Variants in MGAT4C observed in about 807,000 individuals in gnomAD.
The protein encoded by MGAT4C is alpha-1,3-mannosyl-glycoprotein 4-beta-N-acetylglucosaminyltransferase C.
Under a neutral mutation model 40.1 loss-of-function variants are expected in MGAT4C, and 19 were observed. That is an observed-to-expected ratio of 0.47 (90% CI 0.33 to 0.70). MGAT4C has a LOEUF of 0.70. Among genes scored for constraint, MGAT4C ranks in the 30% least tolerant of loss-of-function variants. The pLI is 0.02. For missense variants in MGAT4C, 491 were observed against 563.2 expected (o/e 0.87, Z 1.30); for synonymous variants, 181 against 187.1 (o/e 0.97, Z 0.27).
chr12:86,194,480 G>A (rs542214031), intron 1 of MGAT4C, among the ~76,000 whole-genome samples: 2 of 150,452 alleles, frequency 1.3e-5, no homozygotes, highest in South Asian at 2.1e-4. Flanking sequence ...TTGAGACAGA[G>A]TTTCACTCTT....
intron 1 of MGAT4C, among the ~76,000 whole-genome samples, chr12:86,158,756 C>A (rs1476470081): frequency 6.6e-6 from 1 of 152,058 alleles, no homozygotes; most frequent in Middle Eastern, 3.2e-3. Flanking sequence ...ATTATACCTC[C>A]TTGGTTAGCT....
chr12:86,355,505 C>T (rs930974676), intron 3 of MGAT4C, among the ~76,000 whole-genome samples: 8 of 152,050 alleles, frequency 5.3e-5, no homozygotes, highest in Non-Finnish European at 7.4e-5. Flanking sequence ...TGTTCAGATG[C>T]ACCATAATCA....
chr12:86,447,546 GT>G lies in MGAT4C; in HGVS notation c.-228-12282del, dbSNP rs528848245. 9.3e-5 allele frequency among the ~76,000 whole-genome samples: 14 copies of G among 151,164 alleles called. 1 individual carries two copies. Among genetic ancestry groups the G allele is most frequent in the South Asian group, 4.2e-4 (2 of 4,774 alleles). The stretch of plus-strand genomic sequence containing the variant: ...AAATCTTTACCCTTCATGAGTACCA[GT>G]TTTTTTTTAACTTTTTTTTACTCTC... On this transcript the variant is annotated intron_variant, in intron 2 of 7. Transcript: ENST00000548651.
chr12:86,511,610 C>A (rs1958587861), intron 2 of MGAT4C, among the ~76,000 whole-genome samples: 1 of 152,014 alleles, frequency 6.6e-6, no homozygotes, highest in Admixed American at 6.6e-5. Flanking sequence ...AATATACAGT[C>A]AACTGATCTT....
chr12:86,452,358 C>T (rs1351571013), intron 2 of MGAT4C, among the ~76,000 whole-genome samples: 1 of 150,964 alleles, frequency 6.6e-6, no homozygotes, highest in African/African-American at 2.5e-5. Context: ...CCACCCTCCC[C>T]CACCCCACAA....
intron 3 of MGAT4C, among the ~76,000 whole-genome samples, chr12:86,429,959 C>T (rs1435159807): frequency 3.3e-5 from 5 of 152,006 alleles, no homozygotes; most frequent in Non-Finnish European, 7.4e-5. Flanking sequence ...AAGCTTTATT[C>T]CTTTATCTTT....
intron 1 of MGAT4C, among the ~76,000 whole-genome samples, chr12:86,107,415 G>T (rs1344492158): frequency 1.3e-5 from 2 of 151,918 alleles, no homozygotes; most frequent in African/African-American, 4.8e-5. Context: ...ATGTAATCCT[G>T]ACATATACTT....
chr12:86,600,585 CA>C (rs1961730621), intron 2 of MGAT4C, among the ~76,000 whole-genome samples: 1 of 152,184 alleles, frequency 6.6e-6, no homozygotes, highest in African/African-American at 2.4e-5. Context: ...TCTTAGCCAG[CA>C]CAAAGTATGG....
intron 2 of MGAT4C, among the ~76,000 whole-genome samples, chr12:86,572,201 G>A (rs1020338577): frequency 1.3e-5 from 2 of 152,032 alleles, no homozygotes; most frequent in African/African-American, 4.8e-5. Flanking sequence ...AACTAAAAAT[G>A]GGAATACATT....
intron 2 of MGAT4C, among the ~76,000 whole-genome samples, chr12:86,505,363 A>C (rs902703558): frequency 6.6e-6 from 1 of 152,218 alleles, no homozygotes; most frequent in African/African-American, 2.4e-5. Flanking sequence ...GCACATGATC[A>C]AGAAAATTCC....
chr12:86,510,849 G>C (rs2136347625), intron 2 of MGAT4C, among the ~76,000 whole-genome samples: 1 of 152,020 alleles, frequency 6.6e-6, no homozygotes, highest in African/African-American at 2.4e-5. Context: ...AGCAAGTCCT[G>C]GGTGACCTAC....
intron 4 of MGAT4C, among the ~76,000 whole-genome samples, chr12:86,324,553 G>A (rs1954478135): frequency 2.0e-5 from 3 of 151,840 alleles, no homozygotes; most frequent in South Asian, 2.1e-4. Context: ...TATTTCATAT[G>A]TGTCACTTTA....
At chr12:86,153,280 C>G (rs1884521389) in intron 1 of MGAT4C, among the ~76,000 whole-genome samples, 1 of 152,120 alleles carries the variant, frequency 6.6e-6, no homozygotes, top group African/African-American at 2.4e-5. Context: ...GGAGAAAAAA[C>G]CTACCCTCAA....
At chr12:86,647,699 A>G (rs1963580734) in intron 2 of MGAT4C, among the ~76,000 whole-genome samples, 1 of 151,934 alleles carries the variant, frequency 6.6e-6, no homozygotes. Context: ...CAGAATGATA[A>G]CAAGTATTTT....
At chr12:86,605,740 C>T (rs953456423) in intron 2 of MGAT4C, among the ~76,000 whole-genome samples, 9 of 152,070 alleles carry the variant, frequency 5.9e-5, no homozygotes, top group Non-Finnish European at 4.4e-5. Flanking sequence ...CCATTCCCAG[C>T]AAGCACTGGT....
chr12:86,073,533 G>A (rs1270436744), intron 1 of MGAT4C, among the ~76,000 whole-genome samples: 1 of 152,102 alleles, frequency 6.6e-6, no homozygotes, highest in African/African-American at 2.4e-5. Flanking sequence ...TGGCGGCTTT[G>A]AACAAAATGC....
chr12:86,362,435 A>T (rs1443902397), intron 3 of MGAT4C, among the ~76,000 whole-genome samples: 2 of 152,144 alleles, frequency 1.3e-5, no homozygotes, highest in African/African-American at 4.8e-5. Flanking sequence ...ATATATGTAG[A>T]TGTAACAAAC....
At chr12:86,647,936 C>T (rs2136530737) in intron 2 of MGAT4C, among the ~76,000 whole-genome samples, 1 of 151,944 alleles carries the variant, frequency 6.6e-6, no homozygotes, top group African/African-American at 2.4e-5. Flanking sequence ...TTTAAATAAA[C>T]TTAGTCAATT....
intron 3 of MGAT4C, among the ~76,000 whole-genome samples, chr12:86,408,575 T>A (rs886854258): frequency 9.4e-5 from 14 of 148,558 alleles, no homozygotes; most frequent in Non-Finnish European, 1.9e-4. Flanking sequence ...TAAATTTTAT[T>A]TTTTGCTTCC....
Sources: allele counts gnomAD v4.1 joint callset (sites outside exome capture counted in the v4.1 genomes callset), GRCh38; gene constraint gnomAD v4.1.1; transcripts MANE v1.5; gene names NCBI Gene and HGNC (gene_info 2026-07-23, HGNC 2026-07-21).